Variants in SLCO3A1 observed in about 807,000 individuals in gnomAD.
SLCO3A1 encodes the protein solute carrier organic anion transporter family member 3A1.
Under a neutral mutation model 63.1 loss-of-function variants are expected in SLCO3A1, and 27 were observed. The ratio of observed to expected loss-of-function variants is 0.43; its 90% CI spans 0.32 to 0.59. The LOEUF (loss-of-function observed/expected upper bound fraction) is 0.59, where lower values mean the gene tolerates loss of function less well. Ranked by LOEUF, SLCO3A1 falls within the 20% of genes least tolerant of loss-of-function variation. The probability of loss-of-function intolerance (pLI) is 0.09; values close to 1 mark genes in which losing one functional copy is unlikely to be tolerated. For synonymous variants in SLCO3A1, 473 were observed against 409.9 expected, an observed-to-expected ratio of 1.15 and a Z score of -1.86; for missense variants, 773 against 945.8, an observed-to-expected ratio of 0.82 and a Z score of 2.40.
At chr15:92,053,386 A>G (rs557492218) in intron 2 of SLCO3A1, among the ~76,000 whole-genome samples, 1 of 152,338 alleles carries the variant, frequency 6.6e-6, no homozygotes, top group Admixed American at 6.5e-5. Flanking sequence ...CATGATTAAC[A>G]TCTTACATTA....
chr15:91,925,794 A>G (rs533925432), intron 2 of SLCO3A1, among the ~76,000 whole-genome samples: 20 of 152,356 alleles, frequency 1.3e-4, no homozygotes, highest in Non-Finnish European at 2.2e-4. Context: ...TTGCCTACAG[A>G]GAAAAGTAGA....
intron 2 of SLCO3A1, among the ~76,000 whole-genome samples, chr15:91,996,014 C>T (rs1426404575): frequency 6.6e-6 from 1 of 152,058 alleles, no homozygotes; most frequent in Non-Finnish European, 1.5e-5. Context: ...TACTATTACA[C>T]TGGATGTTCT....
intron 1 of SLCO3A1, among the ~76,000 whole-genome samples, chr15:91,895,013 C>G (rs974726141): frequency 6.6e-6 from 1 of 152,196 alleles, no homozygotes; most frequent in Admixed American, 6.5e-5. Context: ...ACAGAAGTCC[C>G]TGCTTTTTTG....
intron 2 of SLCO3A1, among the ~76,000 whole-genome samples, chr15:92,025,988 A>G (rs1362221388): frequency 6.6e-6 from 1 of 152,172 alleles, no homozygotes; most frequent in Admixed American, 6.5e-5. Flanking sequence ...GATTGTTTAC[A>G]TATCTCAGTC....
intron 2 of SLCO3A1, among the ~76,000 whole-genome samples, chr15:91,993,057 C>G (rs753807296): frequency 1.3e-5 from 2 of 152,198 alleles, no homozygotes; most frequent in South Asian, 4.1e-4. Flanking sequence ...TGTGTCTAGA[C>G]TCACTGGCTT....
At chr15:91,868,057 AT>A (rs879642512) in intron 1 of SLCO3A1, among the ~76,000 whole-genome samples, 3 of 151,038 alleles carry the variant, frequency 2.0e-5, no homozygotes, top group African/African-American at 7.3e-5. Context: ...TTTTTTTTAA[AT>A]TTTTTTTTGA....
At chr15:92,067,290 A>C (rs1452060656) in intron 2 of SLCO3A1, among the ~76,000 whole-genome samples, 1 of 152,160 alleles carries the variant, frequency 6.6e-6, no homozygotes, top group African/African-American at 2.4e-5. Context: ...TGCCCCAGTG[A>C]GGCCAAGTTC....
Position 91,885,272 on chromosome 15 carries a change from C to A in SLCO3A1, c.181-30721C>A, listed in dbSNP as rs1897695268. Among the ~76,000 whole-genome samples, 1 of 152,188 alleles carries A rather than the reference C, an allele frequency of 6.6e-6. No individual in the cohort carries two copies. The highest frequency in any genetic ancestry group is 2.4e-5 in the African/African-American group (1 of 41,442). On this transcript the variant is annotated intron_variant, in intron 1 of 9. Transcript: ENST00000318445. The surrounding 1 kb of genome is among the most constrained non-coding windows in gnomAD (Gnocchi z 4.7). ...GCCTTTTCTCACCATCTTCCTTCTC[C>A]AGGGCTACCTCCTGAGGGCTCACTC... is the stretch of plus-strand genomic sequence containing the variant.
chr15:92,134,441 G>A (rs1032142989), intron 7 of SLCO3A1, among the ~76,000 whole-genome samples: 2 of 152,140 alleles, frequency 1.3e-5, no homozygotes, highest in Non-Finnish European at 2.9e-5. Flanking sequence ...AAAATGAGAT[G>A]TCATATTATT....
rs1240030483 is a variant in SLCO3A1 at position 91,853,831 on chromosome 15, CCG to C, written c.-76_-75del. 3 of 1,187,776 alleles carry C rather than the reference CCG, an allele frequency of 2.5e-6. No homozygotes were observed. The African/African-American group carries it at 5.0e-5, about 20-fold the overall frequency. 73.6% of individuals were successfully genotyped at this position (1,187,776 alleles called of 1,614,324 possible). On this transcript the variant is annotated 5_prime_UTR_variant, in exon 1 of 10. Coordinates refer to ENST00000318445, the MANE Select transcript of SLCO3A1 (RefSeq NM_013272.4). ...GCACGCAGCCTCGAGGCGCGCACCC[CCG>C]CCCGGCAGCGGCCCCGACACCCGGG... is the stretch of plus-strand genomic sequence containing the variant.
At chr15:92,141,288 A>G (rs999481069) in intron 7 of SLCO3A1, among the ~76,000 whole-genome samples, 7 of 152,162 alleles carry the variant, frequency 4.6e-5, no homozygotes, top group Non-Finnish European at 8.8e-5. Context: ...TCATTTGCCA[A>G]TTCTGCAATC....
intron 5 of SLCO3A1, among the ~76,000 whole-genome samples, chr15:92,121,680 G>T (rs2047864419): frequency 6.6e-6 from 1 of 152,108 alleles, no homozygotes; most frequent in Admixed American, 6.6e-5. Flanking sequence ...AGGAAAAAAT[G>T]TGTAGAGTTA....
chr15:91,862,932 T>G lies in SLCO3A1; in HGVS notation c.180+8844T>G, dbSNP rs140649723. On this transcript the variant is annotated intron_variant, in intron 1 of 9. Transcript: ENST00000318445. This position sits in a 1 kb window ranked among gnomAD's most constrained non-coding sequence, Gnocchi z 4.0. Reference sequence around the variant, plus strand: ...TGTAAAATAGGCAGGCTGTTTCTAATTGTTGAATTTGTCTCCCAACTTCAG... The same window carrying G: ...TGTAAAATAGGCAGGCTGTTTCTAAGTGTTGAATTTGTCTCCCAACTTCAG... Among the ~76,000 whole-genome samples the G allele has an allele frequency of 1.3e-5, 2 of 152,334 alleles. No individual in the cohort carries two copies. The highest frequency in any genetic ancestry group is 4.8e-5 in the African/African-American group (2 of 41,574).
At position 91,897,456 on chromosome 15, in the gene SLCO3A1, A is replaced by C. The variant is rs1327811970; in HGVS notation, c.181-18537A>C. Among the ~76,000 whole-genome samples, 5 of 152,280 alleles carry C rather than the reference A, an allele frequency of 3.3e-5. No individual in the cohort carries two copies. The East Asian group carries it at 9.6e-4, about 29-fold the overall frequency. On this transcript the variant is annotated intron_variant, in intron 1 of 9. Coordinates refer to ENST00000318445, the MANE Select transcript of SLCO3A1 (RefSeq NM_013272.4). The surrounding 1 kb of genome is among the most constrained non-coding windows in gnomAD (Gnocchi z 4.7). The stretch of plus-strand genomic sequence containing the variant: ...ATGGAGCGAGACTCTGTCTAAAAAC[A>C]AACAAACAAACAAACCCCCAAAACT...
chr15:91,880,219 C>G (rs1023873115), intron 1 of SLCO3A1, among the ~76,000 whole-genome samples: 5 of 147,332 alleles, frequency 3.4e-5, no homozygotes, highest in African/African-American at 1.3e-4. Flanking sequence ...ATGGTAGATT[C>G]ACATGCAATT....
At chr15:91,928,023 C>G (rs1391242350) in intron 2 of SLCO3A1, among the ~76,000 whole-genome samples, 3 of 152,148 alleles carry the variant, frequency 2.0e-5, no homozygotes, top group African/African-American at 7.2e-5. Flanking sequence ...ATTCTGGTGA[C>G]AAGACAAGGT....
chr15:91,952,529 TAGAC>T (rs1900034606), intron 2 of SLCO3A1, among the ~76,000 whole-genome samples: 1 of 152,164 alleles, frequency 6.6e-6, no homozygotes, highest in Admixed American at 6.5e-5. Flanking sequence ...TGTGGTAAGA[TAGAC>T]AGAAATGGAT....
Position 91,950,292 on chromosome 15 carries a change from G to A in SLCO3A1, c.646+33834G>A, listed in dbSNP as rs1287862754. Among the ~76,000 whole-genome samples the A allele has an allele frequency of 6.6e-6, 1 of 152,188 alleles. No individual in the cohort carries two copies. Among genetic ancestry groups the A allele is most frequent in the Admixed American group, 6.5e-5 (1 of 15,280 alleles). The stretch of plus-strand genomic sequence containing the variant: ...GTGGAGGGGATTGCAGGGGGCTGGG[G>A]AAGCAGAGATCAGTCTGCAGTGGTG... On this transcript the variant is annotated intron_variant, in intron 2 of 9. Transcript: ENST00000318445. The surrounding 1 kb of genome is among the most constrained non-coding windows in gnomAD (Gnocchi z 4.4).
At chr15:92,085,784 T>TC (rs1238769095) in intron 2 of SLCO3A1, among the ~76,000 whole-genome samples, 1 of 152,072 alleles carries the variant, frequency 6.6e-6, no homozygotes, top group East Asian at 1.9e-4. Context: ...GACCCTCCCT[T>TC]CCCCCGACAG....
Sources: gnomAD v4.1 joint callset for allele counts (sites outside exome capture counted in the v4.1 genomes callset) on GRCh38, gnomAD v4.1.1 for gene constraint, Gnocchi (gnomAD v3.1) non-coding constraint, MANE v1.5 for transcripts, NCBI Gene and HGNC (gene_info 2026-07-23, HGNC 2026-07-21) for gene names.